Variants in NAALADL2 observed in about 807,000 individuals in gnomAD.
NAALADL2 encodes the protein inactive N-acetylated-alpha-linked acidic dipeptidase-like protein 2.
In NAALADL2, 76 loss-of-function variants were observed where a neutral mutation model predicts 87.2. The ratio of observed to expected loss-of-function variants is 0.87; its 90% CI spans 0.72 to 1.05. The LOEUF is 1.05. Ranked by LOEUF, NAALADL2 falls within the 50% of genes least tolerant of loss-of-function variation. The probability of loss-of-function intolerance (pLI) is 0.00; values close to 1 mark genes in which losing one functional copy is unlikely to be tolerated. For synonymous variants in NAALADL2, 354 were observed against 331.0 expected (o/e 1.07, Z -0.75); for missense variants, 1,089 against 945.8 (o/e 1.15, Z -1.99).
At chr3:175,218,777 C>A (rs184845155) in intron 2 of NAALADL2, among the ~76,000 whole-genome samples, 2 of 151,826 alleles carry the variant, frequency 1.3e-5, no homozygotes, top group East Asian at 3.9e-4. Context: ...TCATCCTATT[C>A]ATTTCATTAT....
At chr3:175,634,968 TAA>T (rs1468079560) in intron 11 of NAALADL2, among the ~76,000 whole-genome samples, 5 of 152,074 alleles carry the variant, frequency 3.3e-5, no homozygotes, top group Non-Finnish European at 7.4e-5. Context: ...TACTTTGTAA[TAA>T]AGACTCTTGG....
chr3:175,173,305 AAATAAAAT>A (rs1335488288), intron 2 of NAALADL2, among the ~76,000 whole-genome samples: 111 of 95,666 alleles, frequency 1.2e-3, no homozygotes, highest in East Asian at 4.8e-3. Context: ...ATAAATAAAT[AAATAAAAT>A]AAATAAATAA....
intron 8 of NAALADL2, among the ~76,000 whole-genome samples, chr3:175,469,326 A>C (rs9867594): frequency 0.54 from 81,147 of 150,862 alleles, 23,189 homozygotes; most frequent in Non-Finnish European, 0.63. Context: ...GTCAAATGTA[A>C]TCCTGAGAAT....
At chr3:175,342,150 A>T (rs1200027493) in intron 5 of NAALADL2, among the ~76,000 whole-genome samples, 2 of 152,112 alleles carry the variant, frequency 1.3e-5, no homozygotes, top group Non-Finnish European at 2.9e-5. Context: ...GGTCTCTTAC[A>T]TTTGCATATG....
intron 10 of NAALADL2, among the ~76,000 whole-genome samples, chr3:175,619,236 A>AAAGGAAGG (rs1553933925): frequency 6.3e-5 from 9 of 142,408 alleles, no homozygotes; most frequent in South Asian, 4.6e-4. Flanking sequence ...AGAAAGAAAG[A>AAAGGAAGG]AAGGAAGGAA....
chr3:175,318,390 C>T (rs1759422797), intron 4 of NAALADL2, among the ~76,000 whole-genome samples: 2 of 151,932 alleles, frequency 1.3e-5, no homozygotes, highest in African/African-American at 2.4e-5. Context: ...CCTTTGCCTA[C>T]ACCTTTTTCT....
chr3:174,730,334 T>C (rs182738096), intron 2 of NAALADL2, among the ~76,000 whole-genome samples: 1 of 152,264 alleles, frequency 6.6e-6, no homozygotes, highest in Admixed American at 6.5e-5. Context: ...TTTGTGAATT[T>C]TAAGTTTTTG....
intron 4 of NAALADL2, among the ~76,000 whole-genome samples, chr3:175,303,857 T>G (rs1454453527): frequency 1.3e-5 from 2 of 152,206 alleles, no homozygotes; most frequent in African/African-American, 4.8e-5. Flanking sequence ...TGCCTTACAT[T>G]ACTAGAGTCC....
intron 11 of NAALADL2, among the ~76,000 whole-genome samples, chr3:175,730,398 AT>A (rs1268529183): frequency 7.0e-3 from 16 of 2,300 alleles, no homozygotes; most frequent in Admixed American, 6.5e-3. Flanking sequence ...TAATACAGAT[AT>A]ATATATATAT....
intron 9 of NAALADL2, among the ~76,000 whole-genome samples, chr3:175,493,925 C>T (rs1047704701): frequency 6.6e-6 from 1 of 152,102 alleles, no homozygotes; most frequent in African/African-American, 2.4e-5. Flanking sequence ...AGTTTGAGAA[C>T]TAAGTAGGAT....
intron 1 of NAALADL2, among the ~76,000 whole-genome samples, chr3:174,924,366 A>G (rs1305823318): frequency 6.6e-6 from 1 of 151,918 alleles, no homozygotes; most frequent in South Asian, 2.1e-4. Flanking sequence ...CCAGCTTCAT[A>G]CATGTCCCTA....
chr3:174,595,823 C>T (rs934096131), intron 2 of NAALADL2, among the ~76,000 whole-genome samples: 1 of 152,078 alleles, frequency 6.6e-6, no homozygotes, highest in Non-Finnish European at 1.5e-5. Flanking sequence ...CCAGCCTGAC[C>T]AACATGCAGA....
intron 10 of NAALADL2, among the ~76,000 whole-genome samples, chr3:175,591,588 CTT>C (rs1051348605): frequency 3.3e-5 from 5 of 151,952 alleles, no homozygotes; most frequent in African/African-American, 1.2e-4. Flanking sequence ...TTTATAATCT[CTT>C]TAGAACATCC....
rs1721953738 is a variant in NAALADL2, at chr3:174,826,045, A to G, written c.-9+88299A>G. On this transcript the variant is annotated intron_variant, in intron 3 of 3. Transcript: ENST00000434257. ...TCCATCTCAAACAACAACAACAACA[A>G]CAACAACGACAACAACAACAACAAC... Among the ~76,000 whole-genome samples, 4 of 150,256 alleles carry G rather than the reference A, an allele frequency of 2.7e-5. No homozygotes were observed. The South Asian group carries it at 8.3e-4, about 31-fold the overall frequency.
chr3:174,517,330 GT>G (rs1436997674), intron 1 of NAALADL2, among the ~76,000 whole-genome samples: 1 of 151,978 alleles, frequency 6.6e-6, no homozygotes, highest in Non-Finnish European at 1.5e-5. Flanking sequence ...TTTAATTGGA[GT>G]GCTTTCAGAA....
intron 2 of NAALADL2, among the ~76,000 whole-genome samples, chr3:175,137,656 A>T (rs569030169): frequency 3.0e-4 from 44 of 148,890 alleles, no homozygotes; most frequent in African/African-American, 1.0e-3. Flanking sequence ...CCCAGGCTAG[A>T]GTGCAATGGC....
intron 6 of NAALADL2, among the ~76,000 whole-genome samples, chr3:175,461,168 C>T (rs1011928376): frequency 2.0e-5 from 3 of 151,872 alleles, no homozygotes; most frequent in Admixed American, 1.3e-4. Flanking sequence ...CTGATTGGTG[C>T]GTTTTTCCAG....
chr3:174,591,477 A>T (rs1473919850), intron 2 of NAALADL2, among the ~76,000 whole-genome samples: 2 of 152,164 alleles, frequency 1.3e-5, no homozygotes, highest in Admixed American at 1.3e-4. Context: ...CGGGTAAAGG[A>T]AAACTTGTCA....
rs5854604 is a variant in NAALADL2, at chr3:174,979,304, C to CTTTTTTTT, written c.44-117474_44-117467dup. ...TAGTATAATTTTCTTTCTTTCTTTT[C>CTTTTTTTT]TTTTTTTTTTTTTTTTTTTGAGACG... is the stretch of plus-strand genomic sequence containing the variant. On this transcript the variant is annotated intron_variant, in intron 1 of 13. Coordinates refer to ENST00000454872, the MANE Select transcript of NAALADL2 (RefSeq NM_207015.3). 3.7e-3 allele frequency among the ~76,000 whole-genome samples: 389 copies of CTTTTTTTT among 105,172 alleles called. 11 individuals carry two copies. Among genetic ancestry groups the CTTTTTTTT allele is most frequent in the African/African-American group, 0.012 (310 of 25,106 alleles). 69.0% of individuals were successfully genotyped at this position (105,172 alleles called of 152,430 possible).
Sources: gnomAD v4.1 joint callset for allele counts (sites outside exome capture counted in the v4.1 genomes callset) on GRCh38, gnomAD v4.1.1 for gene constraint, MANE v1.5 for transcripts, NCBI Gene and HGNC (gene_info 2026-07-23, HGNC 2026-07-21) for gene names.